Variants in PLSCR2 observed in about 807,000 individuals in gnomAD.
PLSCR2 encodes PL scramblase 2.
PLSCR2 carries 18 observed loss-of-function variants against 25.3 expected under a neutral mutation model. That is an observed-to-expected ratio of 0.71 (90% confidence interval 0.49 to 1.06). PLSCR2 has a LOEUF of 1.06. Among genes scored for constraint, PLSCR2 ranks in the 50% least tolerant of loss-of-function variants. PLSCR2 has a pLI of 0.00. For missense variants in PLSCR2, 243 were observed against 269.5 expected, an observed-to-expected ratio of 0.90 and a Z score of 0.69; for synonymous variants, 88 against 87.3, an observed-to-expected ratio of 1.01 and a Z score of -0.04.
chr3:146,443,198 A>G (rs4681120), intron 6 of PLSCR2, among the ~76,000 whole-genome samples: 73,617 of 151,872 alleles, frequency 0.48, 18,798 homozygotes, highest in South Asian at 0.7. Context: ...TTTTGGATCA[A>G]TGTTCATCAG....
intron 2 of PLSCR2, among the ~76,000 whole-genome samples, chr3:146,403,381 C>T (rs781185108): frequency 5.3e-5 from 8 of 152,114 alleles, no homozygotes; most frequent in Non-Finnish European, 1.0e-4. Flanking sequence ...ATTATTGACG[C>T]CAAGCTGTGG....
At chr3:146,398,813 A>G (rs2038364299) in intron 2 of PLSCR2, 1 of 152,256 alleles carries the variant, frequency 6.6e-6, no homozygotes, top group African/African-American at 2.4e-5. Context: ...GTGGAGCTTC[A>G]ACTTTTAGCT....
intron 2 of PLSCR2, among the ~76,000 whole-genome samples, chr3:146,402,371 AGTT>A (rs910414154): frequency 6.6e-6 from 1 of 152,218 alleles, no homozygotes; most frequent in African/African-American, 2.4e-5. Flanking sequence ...ATGTATCAGT[AGTT>A]GTGCATGGAT....
chr3:146,426,804 G>C (rs1431815041), intron 2 of PLSCR2, among the ~76,000 whole-genome samples: 1 of 152,038 alleles, frequency 6.6e-6, no homozygotes. Flanking sequence ...ACTAGAAAAT[G>C]GTAGTAAAAA....
intron 6 of PLSCR2, among the ~76,000 whole-genome samples, chr3:146,448,049 T>G (rs1291097312): frequency 6.6e-6 from 1 of 152,152 alleles, no homozygotes; most frequent in East Asian, 1.9e-4. Flanking sequence ...AGAAAGCCAC[T>G]GCCGGGTATG....
chr3:146,421,957 C>G (rs1373785746), intron 2 of PLSCR2, among the ~76,000 whole-genome samples: 1 of 152,096 alleles, frequency 6.6e-6, no homozygotes, highest in Non-Finnish European at 1.5e-5. Flanking sequence ...ATGTATTTAT[C>G]TTATTTGCCT....
intron 6 of PLSCR2, 35 bp downstream of exon 6, chr3:146,449,171 C>T (rs761403968): frequency 4.7e-6 from 7 of 1,476,150 alleles, no homozygotes; most frequent in African/African-American, 2.8e-5. Flanking sequence ...TCTAGAGAAG[C>T]CATCTGTCAC....
intron 2 of PLSCR2, among the ~76,000 whole-genome samples, chr3:146,415,532 C>T (rs192210453): frequency 3.9e-5 from 6 of 151,954 alleles, no homozygotes; most frequent in African/African-American, 1.4e-4. Flanking sequence ...ATAGTTTTTA[C>T]CCAAATGCTA....
chr3:146,432,538 A>G (rs796133020), downstream of PLSCR2, among the ~76,000 whole-genome samples: 4 of 152,340 alleles, frequency 2.6e-5, no homozygotes, highest in African/African-American at 9.6e-5. Flanking sequence ...TGTATAAGTC[A>G]CATCATGCTG....
At chr3:146,435,755 G>GT (rs1466271695) in intron 8 of PLSCR2, among the ~76,000 whole-genome samples, 1 of 152,086 alleles carries the variant, frequency 6.6e-6, no homozygotes, top group Non-Finnish European at 1.5e-5. Flanking sequence ...TTCTTTTGCT[G>GT]TGCAGAAGCT....
At chr3:146,461,849 A>G, upstream of PLSCR2, 2 of 1,065,970 alleles carry the variant, frequency 1.9e-6, no homozygotes, top group Non-Finnish European at 2.8e-6. Flanking sequence ...GAATTTAAGC[A>G]GAAGAGTGAG....
Position 146,449,232 on chromosome 3 carries a change from C to T in PLSCR2, c.619G>A (p.Val207Met), listed in dbSNP as rs139488321. 308 of 1,612,698 alleles carry T rather than the reference C, an allele frequency of 1.9e-4. No homozygotes were observed. Among genetic ancestry groups the T allele is most frequent in the Middle Eastern group, 6.6e-4 (4 of 6,052 alleles). ...ATGAGGAAACAGGCACCAATCATCA[C>T]GGCTTTCATTTTAACATCAAGGTCT... The change falls in exon 6 of 7, where the codon GTG becomes ATG. Residue 207 changes from valine (V) to methionine (M), a missense_variant. Transcript: ENST00000610787.
chr3:146,495,310 C>G (rs1189636890), intron 1 of PLSCR2, among the ~76,000 whole-genome samples: 1 of 152,146 alleles, frequency 6.6e-6, no homozygotes, highest in African/African-American at 2.4e-5. Context: ...AACCTGGAAT[C>G]CTAGGCAATG....
chr3:146,419,150 G>A (rs2039071397), intron 2 of PLSCR2, among the ~76,000 whole-genome samples: 4 of 151,738 alleles, frequency 2.6e-5, no homozygotes, highest in Admixed American at 2.6e-4. Context: ...TGTGCTATAA[G>A]CAAAAGGAAG....
chr3:146,478,165 C>T (rs752404236), intron 1 of PLSCR2, among the ~76,000 whole-genome samples: 56 of 152,146 alleles, frequency 3.7e-4, no homozygotes, highest in Admixed American at 1.2e-3. Flanking sequence ...ATTCTAAAAA[C>T]CAGAGCACCC....
chr3:146,454,104 TG>T lies in PLSCR2; in HGVS notation c.380del (p.Pro127HisfsTer3). 6.2e-7 allele frequency: 1 copy of T among 1,610,434 alleles called. No homozygotes were observed. The highest frequency in any genetic ancestry group is 1.1e-5 in the South Asian group (1 of 90,216). On this transcript the variant is annotated frameshift_variant, in exon 5 of 7. Transcript: ENST00000610787. LOFTEE classifies it high-confidence loss of function. ...TTTTAATTGTAAACTTTGTTAGACA[TG>T]GGTGCCAGGTCTGAGTAACATAACC... is the stretch of plus-strand genomic sequence containing the variant.
downstream of PLSCR2, among the ~76,000 whole-genome samples, chr3:146,431,308 T>C (rs1255906829): frequency 1.3e-5 from 2 of 152,202 alleles, no homozygotes; most frequent in African/African-American, 2.4e-5. Context: ...AATCATTAGA[T>C]CTGTCTTCTT....
chr3:146,492,504 A>G (rs2043588406), intron 1 of PLSCR2, among the ~76,000 whole-genome samples: 1 of 152,190 alleles, frequency 6.6e-6, no homozygotes, highest in South Asian at 2.1e-4. Context: ...ATATATCCAA[A>G]CCATACAATT....
chr3:146,455,968 G>A (rs772881687), intron 3 of PLSCR2, among the ~76,000 whole-genome samples: 49 of 152,220 alleles, frequency 3.2e-4, no homozygotes, highest in Non-Finnish European at 6.3e-4. Flanking sequence ...CTCAAGGCAC[G>A]TGCATAAAAA....
Sources: allele counts gnomAD v4.1 joint callset (sites outside exome capture counted in the v4.1 genomes callset), GRCh38; gene constraint gnomAD v4.1.1; transcripts MANE v1.5; gene names NCBI Gene and HGNC (gene_info 2026-07-23, HGNC 2026-07-21).